Variants in CYP4F11 observed in about 807,000 individuals in gnomAD.
CYP4F11 encodes cytochrome P450 family 4 subfamily F member 11, also known as cytochrome P450 4F11.
In CYP4F11, 79 loss-of-function variants were observed where a neutral mutation model predicts 62.2. The observed-to-expected ratio is 1.27, with a 90% CI of 1.06 to 1.53. CYP4F11 has a LOEUF of 1.53. Among genes scored for constraint, CYP4F11 ranks in the 40% most tolerant of loss-of-function variants. The probability of loss-of-function intolerance (pLI) is 0.00; values close to 1 mark genes in which losing one functional copy is unlikely to be tolerated. For synonymous variants in CYP4F11, 290 were observed against 263.7 expected, an observed-to-expected ratio of 1.10 and a Z score of -0.97; for missense variants, 777 against 680.5, an observed-to-expected ratio of 1.14 and a Z score of -1.58.
intron 8 of CYP4F11, 126 bp from the exon 9 acceptor site, chr19:15,915,021 A>G: frequency 1.4e-6 from 2 of 1,437,028 alleles, no homozygotes; most frequent in Non-Finnish European, 1.8e-6. Context: ...GAAATACTGG[A>G]GAATTTAAAA....
intron 4 of CYP4F11, among the ~76,000 whole-genome samples, chr19:15,925,760 C>CACACACA: frequency 3.1e-5 from 2 of 65,408 alleles, no homozygotes; most frequent in East Asian, 6.2e-4. Context: ...ACACACACAC[C>CACACACA]CTGTAGTTGT....
chr19:15,917,463 T>G (rs949672481), intron 8 of CYP4F11, among the ~76,000 whole-genome samples: 5 of 152,026 alleles, frequency 3.3e-5, no homozygotes, highest in African/African-American at 1.2e-4. Context: ...CAGTAACAAA[T>G]GTAGCATGGC....
At chr19:15,921,995 C>T in intron 8 of CYP4F11, 42 bp downstream of exon 8, 1 of 1,531,290 alleles carries the variant, frequency 6.5e-7, no homozygotes, top group Non-Finnish European at 8.7e-7. Context: ...AGGAGCAGAA[C>T]CAATGACAAA....
upstream of CYP4F11, chr19:15,934,575 A>G (rs367983078): frequency 1.6e-4 from 123 of 782,982 alleles, no homozygotes; most frequent in Middle Eastern, 3.8e-4. Flanking sequence ...GAAATGCCCA[A>G]TGAAAACCAG....
intron 1 of CYP4F11, among the ~76,000 whole-genome samples, chr19:15,931,541 C>CAGA (rs2089717401): frequency 1.4e-5 from 1 of 73,268 alleles, no homozygotes; most frequent in Non-Finnish European, 2.9e-5. Context: ...AATGAGTGAG[C>CAGA]GGGGAGAGGA....
intron 2 of CYP4F11, among the ~76,000 whole-genome samples, 163 bp downstream of exon 2, chr19:15,929,294 T>C (rs953590188): frequency 6.6e-6 from 1 of 151,684 alleles, no homozygotes; most frequent in African/African-American, 2.4e-5. Flanking sequence ...GACGCTGACA[T>C]GGGGGGTTCG....
chr19:15,914,578 A>C, intron 10 of CYP4F11, 24 bp downstream of exon 10: 2 of 1,613,660 alleles, frequency 1.2e-6, no homozygotes, highest in Admixed American at 3.3e-5. Flanking sequence ...GACTCCAAAA[A>C]GGGTGGGGTG....
intron 8 of CYP4F11, 86 bp downstream of exon 8, chr19:15,921,951 T>C: frequency 6.9e-7 from 1 of 1,452,410 alleles, no homozygotes; most frequent in Non-Finnish European, 9.1e-7. Context: ...AATGGAAGAA[T>C]TGACCAAAAA....
intron 8 of CYP4F11, among the ~76,000 whole-genome samples, chr19:15,919,152 G>A (rs1338674677): frequency 1.4e-5 from 2 of 145,634 alleles, no homozygotes; most frequent in African/African-American, 2.5e-5. Flanking sequence ...AATATATATA[G>A]TATATATGGA....
At chr19:15,914,025 G>A (rs910187896) in intron 11 of CYP4F11, 116 bp from the exon 12 acceptor site, 27 of 1,313,950 alleles carry the variant, frequency 2.1e-5, no homozygotes, top group Non-Finnish European at 2.8e-5. Context: ...GGGGCAGAAA[G>A]AGGGGATAAG....
chr19:15,924,640 G>C (rs1472276894), intron 5 of CYP4F11, 121 bp downstream of exon 5: 1 of 1,185,072 alleles, frequency 8.4e-7, no homozygotes, highest in Non-Finnish European at 1.2e-6. Context: ...TCAAAGCCCA[G>C]CTATGACACA....
intron 8 of CYP4F11, among the ~76,000 whole-genome samples, chr19:15,916,038 C>T (rs2145037403): frequency 6.6e-6 from 1 of 152,076 alleles, no homozygotes; most frequent in East Asian, 1.9e-4. Flanking sequence ...ACCATAGCAA[C>T]AAAATATCTA....
intron 1 of CYP4F11, among the ~76,000 whole-genome samples, chr19:15,930,039 T>A (rs916781035): frequency 1.4e-4 from 19 of 139,204 alleles, no homozygotes; most frequent in African/African-American, 5.0e-4. Flanking sequence ...ATTTCCGTAA[T>A]AAACTCTCTC....
chr19:15,914,969 C>A, intron 8 of CYP4F11, 74 bp from the exon 9 acceptor site: 3 of 1,567,586 alleles, frequency 1.9e-6, no homozygotes, highest in African/African-American at 1.4e-5. Context: ...TGTTTCCAAG[C>A]GAGACTTTTT....
rs542435416 is a variant in CYP4F11, at chr19:15,912,830, TAGG to T, written c.*899_*901del. The T allele has an allele frequency of 1.4e-5, 2 of 146,612 alleles. No homozygotes were observed. Among genetic ancestry groups the T allele is most frequent in the East Asian group, 4.0e-4 (2 of 5,026 alleles). 9.1% of individuals were successfully genotyped at this position (146,612 alleles called of 1,614,324 possible). The stretch of plus-strand genomic sequence containing the variant: ...TACATATCTTATATGCACAGCCCTC[TAGG>T]AGAAGAGGTTGTTCAAGGAGCACAG... On this transcript the variant is annotated 3_prime_UTR_variant, in exon 12 of 12. Coordinates refer to ENST00000402119, the MANE Select transcript of CYP4F11 (RefSeq NM_021187.4).
chr19:15,924,185 A>G, intron 5 of CYP4F11, 103 bp from the exon 6 acceptor site: 1 of 1,415,296 alleles, frequency 7.1e-7, no homozygotes, highest in East Asian at 2.3e-5. Flanking sequence ...ATCCAGAAAC[A>G]GCCAGGAGAC....
rs758079655 is a variant in CYP4F11, at chr19:15,929,652, T to A, written c.199-51A>T. On this transcript the variant is annotated intron_variant, in intron 1 of 11. Transcript: ENST00000402119. Reference sequence around the variant, plus strand: ...CCCTTGTGATGGTTAATTCTAGGCATCCTGAATTAATCATGAATTCCACGT... The same window carrying A: ...CCCTTGTGATGGTTAATTCTAGGCAACCTGAATTAATCATGAATTCCACGT... The A allele has an allele frequency of 1.5e-5, 23 of 1,525,908 alleles. No homozygotes were observed. In the Middle Eastern group the frequency reaches 3.7e-3, roughly 244 times the overall value. 94.5% of individuals were successfully genotyped at this position (1,525,908 alleles called of 1,614,324 possible).
Position 15,928,742 on chromosome 19 carries a change from G to A in CYP4F11, c.343+715C>T, listed in dbSNP as rs1269298827. Among the ~76,000 whole-genome samples, 3 of 152,204 alleles carry A rather than the reference G, an allele frequency of 2.0e-5. No homozygotes were observed. The East Asian group carries it at 5.8e-4, about 29-fold the overall frequency. On this transcript the variant is annotated intron_variant, in intron 2 of 11. Coordinates refer to ENST00000402119, the MANE Select transcript of CYP4F11 (RefSeq NM_021187.4). ...TCTGGCCTGTTCAAGCACAGGATGA[G>A]CAGAGGTAAAGAAAGGGCCCCAGAC...
rs374179422 is a variant in CYP4F11 at position 15,913,687 on chromosome 19, T to C, written c.*45A>G. On this transcript the variant is annotated 3_prime_UTR_variant, in exon 12 of 12. Transcript: ENST00000402119. ...GGCTCAAGCAGAGGTGTCAGCATAG[T>C]TTTGTTTCTGGGACTCTACAGAGGT... 1 of 1,611,842 alleles carries C rather than the reference T, an allele frequency of 6.2e-7. No individual in the cohort carries two copies. The highest frequency in any genetic ancestry group is 8.5e-7 in the Non-Finnish European group (1 of 1,178,492).
Sources: allele counts gnomAD v4.1 joint callset (sites outside exome capture counted in the v4.1 genomes callset), GRCh38; gene constraint gnomAD v4.1.1; transcripts MANE v1.5; gene names NCBI Gene and HGNC (gene_info 2026-07-23, HGNC 2026-07-21).